Variants in ABCD3 observed in about 807,000 individuals in gnomAD.
ABCD3 encodes the protein ATP-binding cassette sub-family D member 3.
ABCD3 carries 41 observed loss-of-function variants against 105.5 expected under a neutral mutation model. The ratio of observed to expected loss-of-function variants is 0.39; its 90% CI spans 0.30 to 0.50. ABCD3 has a LOEUF of 0.50. Among genes scored for constraint, ABCD3 ranks in the 20% least tolerant of loss-of-function variants. The pLI, the probability that ABCD3 is intolerant of heterozygous loss-of-function variation, is 0.84. For missense variants in ABCD3, 622 were observed against 806.3 expected (o/e 0.77, Z 2.77); for synonymous variants, 258 against 269.0 (o/e 0.96, Z 0.40).
intron 4 of ABCD3, among the ~76,000 whole-genome samples, chr1:94,473,111 A>G (rs1387477607): frequency 6.6e-6 from 1 of 152,182 alleles, no homozygotes; most frequent in Non-Finnish European, 1.5e-5. Context: ...CTGTAGATCC[A>G]TTCTGGGCTC....
intron 1 of ABCD3, among the ~76,000 whole-genome samples, chr1:94,429,909 G>A (rs1659609013): frequency 6.6e-6 from 1 of 152,232 alleles, no homozygotes; most frequent in African/African-American, 2.4e-5. Context: ...AGATCCACCA[G>A]CAGCTTGCAC....
intron 20 of ABCD3, 116 bp downstream of exon 20, chr1:94,499,730 T>C (rs1054963928): frequency 1.6e-6 from 2 of 1,280,246 alleles, no homozygotes; most frequent in African/African-American, 3.0e-5. Context: ...CAGTATGGAT[T>C]AGTTTAAATT....
chr1:94,471,820 A>G (rs1191389725), intron 4 of ABCD3, among the ~76,000 whole-genome samples: 1 of 152,164 alleles, frequency 6.6e-6, no homozygotes, highest in Admixed American at 6.5e-5. Flanking sequence ...CTGCTAAAGA[A>G]AGCCTCAAAG....
intron 1 of ABCD3, among the ~76,000 whole-genome samples, chr1:94,445,043 ACCCATCCCCTTGTTTTGG>A (rs1660295731): frequency 6.6e-6 from 1 of 152,182 alleles, no homozygotes; most frequent in Admixed American, 6.5e-5. Context: ...AACTAGCCAG[ACCCATCCCCTTGTTTTGG>A]CCCATCCCTT....
chr1:94,455,729 C>G (rs1647520057), intron 1 of ABCD3: 1 of 699,906 alleles, frequency 1.4e-6, no homozygotes, highest in African/African-American at 1.8e-5. Flanking sequence ...TCCCTCTGAA[C>G]AAGGTATTTC....
At chr1:94,464,206 T>G (rs1020825286) in intron 2 of ABCD3, among the ~76,000 whole-genome samples, 5 of 152,192 alleles carry the variant, frequency 3.3e-5, no homozygotes, top group African/African-American at 1.2e-4. Flanking sequence ...TTGTCTGTCT[T>G]TGAATTTTAT....
chr1:94,477,501 C>G (rs1648818043), intron 7 of ABCD3, among the ~76,000 whole-genome samples: 1 of 151,980 alleles, frequency 6.6e-6, no homozygotes, highest in South Asian at 2.1e-4. Flanking sequence ...TAATGTGCGC[C>G]TGTACTCCCA....
the ABCD3 span, among the ~76,000 whole-genome samples, chr1:94,396,932 G>A: frequency 6.6e-6 from 1 of 152,068 alleles, no homozygotes; most frequent in Non-Finnish European, 1.5e-5. Context: ...GGCCTGTGAT[G>A]TTGTATTTCA....
At chr1:94,491,365 T>C (rs1402339251) in intron 16 of ABCD3, 118 bp downstream of exon 16, 20 of 775,772 alleles carry the variant, frequency 2.6e-5, no homozygotes, top group Non-Finnish European at 3.8e-5. Flanking sequence ...ATCCACAGAA[T>C]TGCTTTAAAA....
At chr1:94,439,889 A>C (rs1660070905) in intron 1 of ABCD3, among the ~76,000 whole-genome samples, 1 of 152,110 alleles carries the variant, frequency 6.6e-6, no homozygotes, top group Admixed American at 6.6e-5. Flanking sequence ...ACAAACTCTC[A>C]CTGTGTTCCC....
chr1:94,403,298 T>A, the ABCD3 span, among the ~76,000 whole-genome samples: 18 of 152,222 alleles, frequency 1.2e-4, no homozygotes, highest in Non-Finnish European at 2.2e-4. Context: ...CCATCTTTCC[T>A]ACATTGGTGA....
intron 9 of ABCD3, chr1:94,482,166 T>C (rs928644518): frequency 3.9e-5 from 6 of 152,180 alleles, no homozygotes; most frequent in Non-Finnish European, 5.9e-5. Context: ...TGTAGGCTTC[T>C]TATACTCTTG....
At chr1:94,473,664 T>G in intron 4 of ABCD3, 102 bp from the exon 5 acceptor site, 2 of 945,652 alleles carry the variant, frequency 2.1e-6, no homozygotes, top group Admixed American at 1.9e-5. Flanking sequence ...TGTTTTGATT[T>G]AATAGAAGTT....
At chr1:94,409,455 A>T in the ABCD3 span, among the ~76,000 whole-genome samples, 1 of 152,188 alleles carries the variant, frequency 6.6e-6, no homozygotes, top group African/African-American at 2.4e-5. Flanking sequence ...TAGATCATTG[A>T]TACATTTTAT....
At chr1:94,408,294 G>A in the ABCD3 span, among the ~76,000 whole-genome samples, 1 of 152,024 alleles carries the variant, frequency 6.6e-6, no homozygotes, top group Non-Finnish European at 1.5e-5. Flanking sequence ...ACTAGAATCA[G>A]AATGCAAGGC....
chr1:94,516,592 T>C (rs183579849), intron 22 of ABCD3, among the ~76,000 whole-genome samples: 4 of 151,932 alleles, frequency 2.6e-5, no homozygotes, highest in Admixed American at 2.0e-4. Context: ...GGAACACAAC[T>C]AGAATGTGAG....
At chr1:94,472,974 A>G (rs1046758571) in intron 4 of ABCD3, among the ~76,000 whole-genome samples, 10 of 152,186 alleles carry the variant, frequency 6.6e-5, no homozygotes, top group Admixed American at 5.9e-4. Flanking sequence ...AATTTTTAAT[A>G]AAGTTTTAGA....
intron 1 of ABCD3, among the ~76,000 whole-genome samples, chr1:94,441,370 G>A (rs12120731): frequency 0.36 from 54,805 of 152,044 alleles, 11,438 homozygotes; most frequent in Middle Eastern, 0.54. Context: ...TATTGGTGAG[G>A]CTGTGAAGAA....
chr1:94,441,190 T>C (rs1660119658), intron 1 of ABCD3, among the ~76,000 whole-genome samples: 1 of 152,190 alleles, frequency 6.6e-6, no homozygotes, highest in African/African-American at 2.4e-5. Flanking sequence ...GACAAACTTA[T>C]AGAACATATC....
Sources: allele counts gnomAD v4.1 joint callset (sites outside exome capture counted in the v4.1 genomes callset), GRCh38; gene constraint gnomAD v4.1.1; transcripts MANE v1.5; gene names NCBI Gene and HGNC (gene_info 2026-07-23, HGNC 2026-07-21).